SLC6A16: variants seen among roughly 807,000 people sequenced by gnomAD.
The protein encoded by SLC6A16 is solute carrier family 6 member 16.
Under a neutral mutation model 65.4 loss-of-function variants are expected in SLC6A16, and 54 were observed. The ratio of observed to expected loss-of-function variants is 0.83; its 90% CI spans 0.66 to 1.04. The LOEUF is 1.04. Among genes scored for constraint, SLC6A16 ranks in the 50% least tolerant of loss-of-function variants. The pLI, the probability that SLC6A16 is intolerant of heterozygous loss-of-function variation, is 0.00. For missense variants in SLC6A16, 816 were observed against 914.0 expected (o/e 0.89, Z 1.38); for synonymous variants, 330 against 346.5 (o/e 0.95, Z 0.53).
chr19:49,337,232 T>G, the SLC6A16 span: 9 of 1,613,018 alleles, frequency 5.6e-6, no homozygotes, highest in Admixed American at 1.7e-5. Flanking sequence ...GTGAGCTTCC[T>G]GCAGTGGCCA....
chr19:49,312,659 G>A (rs1473771026), intron 1 of SLC6A16: 1 of 801,746 alleles, frequency 1.2e-6, no homozygotes, highest in Non-Finnish European at 1.5e-6. Flanking sequence ...GGGGAAACTG[G>A]AGTTTTCTTT....
Position 49,325,136 on chromosome 19 carries a change from T to C in SLC6A16, c.-153A>G. On this transcript the variant is annotated 5_prime_UTR_variant, in exon 1 of 12. Coordinates refer to ENST00000335875, the MANE Select transcript of SLC6A16 (RefSeq NM_014037.3). ...AAGCCCCAGCTGAGAAGCCTAGCAATCTCCTCAGGCCCCTTCAGGCGTCGA... is the reference window on the plus strand; with the variant it reads ...AAGCCCCAGCTGAGAAGCCTAGCAACCTCCTCAGGCCCCTTCAGGCGTCGA... The C allele has an allele frequency of 5.1e-6, 5 of 985,456 alleles. No homozygotes were observed. The highest frequency in any genetic ancestry group is 4.8e-6 in the Non-Finnish European group (4 of 829,990). 61.0% of individuals were successfully genotyped at this position (985,456 alleles called of 1,614,324 possible). A position where few individuals can be genotyped will look rare whatever the true frequency, so the allele number is the denominator to read the frequency against.
At chr19:49,334,015 G>A in the SLC6A16 span, among the ~76,000 whole-genome samples, 16 of 152,202 alleles carry the variant, frequency 1.1e-4, no homozygotes, top group African/African-American at 3.4e-4. Context: ...TCCGCTGGGG[G>A]TGTTGGCACG....
chr19:49,327,218 G>A (rs1186546053), upstream of SLC6A16, among the ~76,000 whole-genome samples: 4 of 152,136 alleles, frequency 2.6e-5, no homozygotes, highest in South Asian at 8.3e-4. Context: ...GGGGTTGCAG[G>A]TGCCTGCCAT....
At chr19:49,338,295 C>T in the SLC6A16 span, 2 of 940,610 alleles carry the variant, frequency 2.1e-6, no homozygotes, top group South Asian at 1.9e-5. This position sits in a 1 kb window ranked among gnomAD's most constrained non-coding sequence, Gnocchi z 5.0. Flanking sequence ...GGTTGTCAGG[C>T]CCCTAGTCCC....
chr19:49,300,655 A>C (rs1469729805), intron 7 of SLC6A16, among the ~76,000 whole-genome samples: 1 of 152,216 alleles, frequency 6.6e-6, no homozygotes, highest in African/African-American at 2.4e-5. Context: ...TAGCAAAGTA[A>C]GATGGGAGAC....
At chr19:49,330,710 G>A in the SLC6A16 span, among the ~76,000 whole-genome samples, 12 of 152,310 alleles carry the variant, frequency 7.9e-5, no homozygotes, top group Non-Finnish European at 1.5e-4. Flanking sequence ...GGGAGGCCAA[G>A]GTGGGCAGAT....
Position 49,293,281 on chromosome 19 carries a change from T to TG in SLC6A16, c.1719dup (p.Ile574HisfsTer8). 2 of 1,613,994 alleles carry TG rather than the reference T, an allele frequency of 1.2e-6. No homozygotes were observed. Among genetic ancestry groups the TG allele is most frequent in the Non-Finnish European group, 1.7e-6 (2 of 1,179,986 alleles). On this transcript the variant is annotated frameshift_variant, in exon 10 of 12. Transcript: ENST00000335875. LOFTEE classifies it high-confidence loss of function. ...GTTTCAAATACGACAACGACGATGA[T>TG]GGGGAAGACTATCCAGTAGTCACTC...
At chr19:49,302,671 G>C (rs964927803) in intron 7 of SLC6A16, among the ~76,000 whole-genome samples, 1 of 152,146 alleles carries the variant, frequency 6.6e-6, no homozygotes, top group Non-Finnish European at 1.5e-5. Context: ...GCCTGACAAA[G>C]AATTCACAAT....
the SLC6A16 span, chr19:49,339,320 C>A: frequency 1.2e-6 from 2 of 1,612,066 alleles, no homozygotes; most frequent in African/African-American, 2.7e-5. This position sits in a 1 kb window ranked among gnomAD's most constrained non-coding sequence, Gnocchi z 4.5. Flanking sequence ...CTTTTCCCTA[C>A]ACCCCCCAGG....
At chr19:49,338,632 C>G in the SLC6A16 span, 1 of 1,199,694 alleles carries the variant, frequency 8.3e-7, no homozygotes. The surrounding 1 kb of genome is among the most constrained non-coding windows in gnomAD (Gnocchi z 5.0). Flanking sequence ...TACCCATCAC[C>G]TTGTCCCCTG....
At chr19:49,297,750 T>A (rs1600614504) in intron 7 of SLC6A16, among the ~76,000 whole-genome samples, 1 of 152,188 alleles carries the variant, frequency 6.6e-6, no homozygotes, top group Non-Finnish European at 1.5e-5. Context: ...GGAATAATAC[T>A]TAGGAATAAA....
At chr19:49,328,936 G>A (rs1970823080), upstream of SLC6A16, among the ~76,000 whole-genome samples, 1 of 152,168 alleles carries the variant, frequency 6.6e-6, no homozygotes, top group Non-Finnish European at 1.5e-5. Flanking sequence ...AGTGAACCAT[G>A]GTGAAGTGGA....
intron 1 of SLC6A16, among the ~76,000 whole-genome samples, chr19:49,319,136 C>T (rs1231863365): frequency 2.0e-5 from 3 of 150,884 alleles, no homozygotes; most frequent in Non-Finnish European, 4.4e-5. Context: ...GCAATAGAAA[C>T]AATCCAAAAT....
the SLC6A16 span, chr19:49,336,281 C>T: frequency 0.011 from 1,593 of 143,306 alleles, 27 homozygotes; most frequent in African/African-American, 0.037. Context: ...AGGGGCCGGG[C>T]GCGGTGGCTC....
In SLC6A16 at chr19:49,294,407, C is replaced by T. The variant is rs138253216; in HGVS notation, c.1376G>A (p.Arg459His). Residue 459 changes from arginine (R) to histidine (H), a missense_variant, in exon 8 of 12, where the codon CGC becomes CAC. Physicochemically the swap from Arg to His is conservative, Grantham distance 29 (BLOSUM62 0). Coordinates refer to ENST00000335875, the MANE Select transcript of SLC6A16 (RefSeq NM_014037.3). Reference protein sequence around the residue: ...LPQHIKSMVLREVTECNIETQ... With the variant: ...LPQHIKSMVLHEVTECNIETQ... ...CTCTATGTTGCACTCAGTCACCTCG[C>T]GGAGAACCATGCTTTTGATGTGCTG... 2.8e-3 allele frequency: 4,503 copies of T among 1,614,074 alleles called. 29 individuals are homozygous for T. Among genetic ancestry groups the T allele is most frequent in the African/African-American group, 0.02 (1,470 of 75,002 alleles).
At chr19:49,304,710 C>A (rs899579097) in intron 7 of SLC6A16, among the ~76,000 whole-genome samples, 1 of 152,108 alleles carries the variant, frequency 6.6e-6, no homozygotes, top group Admixed American at 6.5e-5. Flanking sequence ...ATGCACTCCA[C>A]CAGGTGAGAG....
At chr19:49,301,664 GT>G (rs901638820) in intron 7 of SLC6A16, among the ~76,000 whole-genome samples, 5 of 152,166 alleles carry the variant, frequency 3.3e-5, no homozygotes, top group African/African-American at 1.2e-4. Context: ...AAGCCCTGTA[GT>G]TTTTTCCACC....
At chr19:49,330,864 C>T in the SLC6A16 span, among the ~76,000 whole-genome samples, 5 of 151,976 alleles carry the variant, frequency 3.3e-5, no homozygotes, top group South Asian at 8.3e-4. Context: ...ATCGCTTGAA[C>T]CCGGGAAGCA....
Sources: gnomAD v4.1 joint callset for allele counts (sites outside exome capture counted in the v4.1 genomes callset) on GRCh38, gnomAD v4.1.1 for gene constraint, Gnocchi (gnomAD v3.1) non-coding constraint, MANE v1.5 for transcripts, NCBI Gene and HGNC (gene_info 2026-07-23, HGNC 2026-07-21) for gene names.